Variants in PPARGC1A observed in about 807,000 individuals in gnomAD.
The protein encoded by PPARGC1A is PPARG coactivator 1 alpha.
Under a neutral mutation model 88.7 loss-of-function variants are expected in PPARGC1A, and 25 were observed. That is an observed-to-expected ratio of 0.28 (90% CI 0.21 to 0.39). The LOEUF (loss-of-function observed/expected upper bound fraction) is 0.39, where lower values mean the gene tolerates loss of function less well. PPARGC1A is among the 10% of genes least tolerant of loss of function. PPARGC1A has a pLI of 1.00. For synonymous variants in PPARGC1A, 363 were observed against 355.6 expected, an observed-to-expected ratio of 1.02 and a Z score of -0.24; for missense variants, 880 against 968.7, an observed-to-expected ratio of 0.91 and a Z score of 1.22.
chr4:23,994,184 C>A, the PPARGC1A span, among the ~76,000 whole-genome samples: 36 of 152,126 alleles, frequency 2.4e-4, no homozygotes, highest in Non-Finnish European at 3.5e-4. Context: ...CTCTGTCCTG[C>A]TTAACAAGCC....
intron 2 of PPARGC1A, among the ~76,000 whole-genome samples, chr4:23,859,178 A>T (rs1577541558): frequency 1.3e-5 from 2 of 152,276 alleles, no homozygotes; most frequent in Admixed American, 1.3e-4. Flanking sequence ...CATCATTTCA[A>T]AAACTATTCT....
At chr4:24,203,969 T>C in the PPARGC1A span, among the ~76,000 whole-genome samples, 1 of 152,188 alleles carries the variant, frequency 6.6e-6, no homozygotes, top group Non-Finnish European at 1.5e-5. Context: ...GTTTAAGGGA[T>C]TTGCTTATTA....
At chr4:24,446,572 G>A in the PPARGC1A span, among the ~76,000 whole-genome samples, 1 of 151,806 alleles carries the variant, frequency 6.6e-6, no homozygotes, top group Non-Finnish European at 1.5e-5. Context: ...CACAGAGCAG[G>A]TGAAGTGGAA....
At chr4:24,147,854 G>T in the PPARGC1A span, among the ~76,000 whole-genome samples, 3 of 152,190 alleles carry the variant, frequency 2.0e-5, no homozygotes, top group African/African-American at 7.2e-5. Context: ...TGAGGCACAA[G>T]AATCACTTGA....
At chr4:23,854,699 AT>A (rs33944102) in intron 2 of PPARGC1A, among the ~76,000 whole-genome samples, 62,705 of 151,700 alleles carry the variant, frequency 0.41, 13,242 homozygotes, top group African/African-American at 0.5. Flanking sequence ...CACCTTTAAA[AT>A]TTTTTTTTAC....
At chr4:23,975,633 G>A in the PPARGC1A span, among the ~76,000 whole-genome samples, 1 of 152,116 alleles carries the variant, frequency 6.6e-6, no homozygotes, top group Non-Finnish European at 1.5e-5. Flanking sequence ...GGCCAGGCTG[G>A]TCTTGAACTC....
At chr4:24,076,243 T>C in the PPARGC1A span, among the ~76,000 whole-genome samples, 1 of 152,050 alleles carries the variant, frequency 6.6e-6, no homozygotes, top group South Asian at 2.1e-4. Context: ...TTAATCCCAT[T>C]TTACAGATGA....
At chr4:24,098,213 T>C in the PPARGC1A span, among the ~76,000 whole-genome samples, 1 of 152,202 alleles carries the variant, frequency 6.6e-6, no homozygotes, top group East Asian at 1.9e-4. Context: ...TTAGAGAAAC[T>C]AAAACTGAAA....
chr4:24,141,569 G>C, the PPARGC1A span, among the ~76,000 whole-genome samples: 1 of 152,216 alleles, frequency 6.6e-6, no homozygotes. Flanking sequence ...GCAAAAGCAG[G>C]AAGGCCCTAG....
In PPARGC1A at chr4:23,795,748, A is replaced by G. The variant is rs1000374564; in HGVS notation, c.*74T>C. On this transcript the variant is annotated 3_prime_UTR_variant, in exon 13 of 13. Coordinates refer to ENST00000264867, the MANE Select transcript of PPARGC1A (RefSeq NM_013261.5). Reference sequence around the variant, plus strand: ...GAGAAATTCCTAAGTATGACTTGCAATAGTCTTTAGGGAAGGACGCGCTGT... The same window carrying G: ...GAGAAATTCCTAAGTATGACTTGCAGTAGTCTTTAGGGAAGGACGCGCTGT... 8.5e-6 allele frequency: 10 copies of G among 1,173,208 alleles called. No individual in the cohort carries two copies. The South Asian group carries it at 9.7e-5, about 11-fold the overall frequency. The allele number at this position is 1,173,208 out of a possible 1,614,324, so 72.7% of individuals were successfully genotyped here.
At chr4:24,254,340 C>A in the PPARGC1A span, among the ~76,000 whole-genome samples, 40 of 152,152 alleles carry the variant, frequency 2.6e-4, no homozygotes, top group African/African-American at 9.7e-4. Flanking sequence ...CAGGTTTGAA[C>A]CCAAGTAGCC....
the PPARGC1A span, among the ~76,000 whole-genome samples, chr4:23,952,621 A>G: frequency 3.9e-5 from 6 of 152,080 alleles, no homozygotes; most frequent in Non-Finnish European, 7.4e-5. Flanking sequence ...TCCAGGTTTT[A>G]GGGGGCCCGA....
chr4:24,000,372 C>A, the PPARGC1A span, among the ~76,000 whole-genome samples: 1 of 152,146 alleles, frequency 6.6e-6, no homozygotes, highest in African/African-American at 2.4e-5. Context: ...CTCCTTCACA[C>A]TGGTCTCACT....
chr4:24,384,558 CA>C, the PPARGC1A span, among the ~76,000 whole-genome samples: 5,657 of 54,000 alleles, frequency 0.1, 242 homozygotes, highest in African/African-American at 0.25. Flanking sequence ...AAATGGAAAG[CA>C]AAAAAAAAAA....
chr4:24,137,939 A>G, the PPARGC1A span, among the ~76,000 whole-genome samples: 2 of 152,310 alleles, frequency 1.3e-5, no homozygotes, highest in Admixed American at 6.5e-5. Context: ...GTTATCAAGC[A>G]CCACCCTCAT....
chr4:23,992,031 T>A, the PPARGC1A span, among the ~76,000 whole-genome samples: 2 of 152,094 alleles, frequency 1.3e-5, no homozygotes, highest in African/African-American at 4.8e-5. Context: ...AAATTTACTT[T>A]GGGGTTCTTT....
chr4:24,331,758 G>A, the PPARGC1A span, among the ~76,000 whole-genome samples: 2 of 73,856 alleles, frequency 2.7e-5, no homozygotes, highest in South Asian at 1.5e-3. Context: ...GGTGAACTCT[G>A]TGTTTATTTT....
the PPARGC1A span, among the ~76,000 whole-genome samples, chr4:23,981,650 A>G: frequency 3.9e-5 from 6 of 152,206 alleles, no homozygotes; most frequent in Non-Finnish European, 7.3e-5. Context: ...GTCCACAACC[A>G]GAGACCAGAA....
At chr4:23,998,806 T>C in the PPARGC1A span, among the ~76,000 whole-genome samples, 97 of 152,326 alleles carry the variant, frequency 6.4e-4, no homozygotes, top group Non-Finnish European at 1.1e-3. Context: ...GAAGAGTCAA[T>C]AGCTCTCATA....
Sources: gnomAD v4.1 joint callset for allele counts (sites outside exome capture counted in the v4.1 genomes callset) on GRCh38, gnomAD v4.1.1 for gene constraint, MANE v1.5 for transcripts, NCBI Gene and HGNC (gene_info 2026-07-23, HGNC 2026-07-21) for gene names.